Variants in SYN3 observed in about 807,000 individuals in gnomAD.
The protein encoded by SYN3 is synapsin-3.
In SYN3, 35 loss-of-function variants were observed where a neutral mutation model predicts 65.8. The ratio of observed to expected loss-of-function variants is 0.53; its 90% CI spans 0.41 to 0.70. The LOEUF is 0.70. Ranked by LOEUF, SYN3 falls within the 30% of genes least tolerant of loss-of-function variation. The pLI, the probability that SYN3 is intolerant of heterozygous loss-of-function variation, is 0.00. For synonymous variants in SYN3, 270 were observed against 292.9 expected (o/e 0.92, Z 0.80); for missense variants, 680 against 749.0 (o/e 0.91, Z 1.08).
intron 1 of SYN3, among the ~76,000 whole-genome samples, chr22:33,052,048 G>A (rs537120530): frequency 6.6e-4 from 101 of 152,148 alleles, no homozygotes; most frequent in African/African-American, 2.1e-3. Context: ...GCCTCACATC[G>A]TGCACTTTGG....
intron 6 of SYN3, among the ~76,000 whole-genome samples, chr22:32,701,646 T>C (rs1398576802): frequency 6.6e-6 from 1 of 152,122 alleles, no homozygotes; most frequent in Non-Finnish European, 1.5e-5. Flanking sequence ...AAATGAAAAA[T>C]ACATTTAAGT....
intron 1 of SYN3, among the ~76,000 whole-genome samples, chr22:33,056,948 C>T (rs2054263953): frequency 6.6e-6 from 1 of 152,160 alleles, no homozygotes; most frequent in Admixed American, 6.5e-5. Context: ...AGCAGAGGCA[C>T]CCTTCAGAGG....
At chr22:32,593,158 T>C (rs1282332146) in intron 7 of SYN3, among the ~76,000 whole-genome samples, 1 of 152,208 alleles carries the variant, frequency 6.6e-6, no homozygotes, top group African/African-American at 2.4e-5. Flanking sequence ...AGACTGTTAC[T>C]GCAAGTTTTC....
At chr22:33,016,733 C>G (rs1247885546) in intron 1 of SYN3, among the ~76,000 whole-genome samples, 1 of 151,910 alleles carries the variant, frequency 6.6e-6, no homozygotes, top group Non-Finnish European at 1.5e-5. Flanking sequence ...GTTTACTTGC[C>G]CATTTTTTGA....
rs561420410 is a variant in SYN3, at chr22:32,626,378, G to T, written c.712-29642C>A. Among the ~76,000 whole-genome samples, 4 of 152,310 alleles carry T rather than the reference G, an allele frequency of 2.6e-5. No individual in the cohort carries two copies. The East Asian group carries it at 7.7e-4, about 29-fold the overall frequency. On this transcript the variant is annotated intron_variant, in intron 6 of 13. Coordinates refer to ENST00000358763, the MANE Select transcript of SYN3 (RefSeq NM_003490.4). ...TGTTAGGGATGATGTGGGACCTAAG[G>T]TGGCAAAGATGGGCTGCGGTCATTT...
At chr22:32,636,310 G>C (rs912795496) in intron 6 of SYN3, among the ~76,000 whole-genome samples, 2 of 151,740 alleles carry the variant, frequency 1.3e-5, no homozygotes, top group Admixed American at 1.3e-4. Context: ...GCCGAGGCAG[G>C]AGAATGGCGT....
At chr22:32,600,577 AG>A in intron 6 of SYN3, among the ~76,000 whole-genome samples, 1 of 152,354 alleles carries the variant, frequency 6.6e-6, no homozygotes, top group African/African-American at 2.4e-5. Flanking sequence ...AGTTCCCCCA[AG>A]GGTGAATGGT....
intron 1 of SYN3, among the ~76,000 whole-genome samples, chr22:33,024,145 GAACTC>G (rs2053603163): frequency 6.6e-6 from 1 of 152,134 alleles, no homozygotes; most frequent in African/African-American, 2.4e-5. Context: ...TTGTTTCTCA[GAACTC>G]AACTCTGTAT....
chr22:32,671,234 TCA>T (rs1237758244), intron 6 of SYN3, among the ~76,000 whole-genome samples: 2 of 151,898 alleles, frequency 1.3e-5, no homozygotes, highest in Non-Finnish European at 2.9e-5. Context: ...CCGCCCATTT[TCA>T]CACACACACA....
rs761882833 is a variant in SYN3 at position 33,006,646 on chromosome 22, C to T, written c.17G>A (p.Arg6Gln). MNFLR[R>Q]RLSDSSFMAN... ...CATGAAGCTGCTGTCAGAGAGACGTCGCCGGAGGAAATTCATGGCTGTGGA... is the reference window on the plus strand; with the variant it reads ...CATGAAGCTGCTGTCAGAGAGACGTTGCCGGAGGAAATTCATGGCTGTGGA... Residue 6 changes from arginine (R) to glutamine (Q), a missense_variant, in exon 2 of 14, where the codon CGA (arginine) becomes CAA (glutamine). By Grantham distance (43) the Arg-to-Gln change is conservative (BLOSUM62 1). Coordinates refer to ENST00000358763, the MANE Select transcript of SYN3 (RefSeq NM_003490.4). 1.1e-5 allele frequency: 17 copies of T among 1,580,914 alleles called. No individual in the cohort carries two copies. Among genetic ancestry groups the T allele is most frequent in the Non-Finnish European group, 1.3e-5 (15 of 1,162,668 alleles).
chr22:32,649,380 A>G (rs1367987928), intron 6 of SYN3, among the ~76,000 whole-genome samples: 1 of 152,224 alleles, frequency 6.6e-6, no homozygotes, highest in Non-Finnish European at 1.5e-5. Flanking sequence ...AAATTGTGAC[A>G]ATAGATGTTA....
chr22:32,996,144 G>C (rs955832792), intron 2 of SYN3, among the ~76,000 whole-genome samples: 1 of 152,132 alleles, frequency 6.6e-6, no homozygotes, highest in East Asian at 1.9e-4. Flanking sequence ...AACAGACTTT[G>C]GCAAGAGTAT....
intron 6 of SYN3, among the ~76,000 whole-genome samples, chr22:32,624,304 G>A (rs1302172635): frequency 6.6e-6 from 1 of 152,110 alleles, no homozygotes; most frequent in African/African-American, 2.4e-5. Flanking sequence ...GAGGCTGGGT[G>A]GGGGGTCACT....
chr22:32,675,057 T>C (rs2060421032), intron 6 of SYN3, among the ~76,000 whole-genome samples: 1 of 152,188 alleles, frequency 6.6e-6, no homozygotes, highest in East Asian at 1.9e-4. Context: ...AAGGCCACTT[T>C]CCCTCTAGTC....
chr22:32,977,285 C>T (rs1451606272), intron 3 of SYN3, among the ~76,000 whole-genome samples: 1 of 152,102 alleles, frequency 6.6e-6, no homozygotes, highest in Non-Finnish European at 1.5e-5. Context: ...CCCTGATGGT[C>T]CTGCTCATAG....
chr22:32,811,001 G>A (rs147111267), intron 6 of SYN3, among the ~76,000 whole-genome samples: 27 of 152,254 alleles, frequency 1.8e-4, no homozygotes, highest in Non-Finnish European at 2.9e-4. Context: ...TATGTACCAC[G>A]TGGTAACTTC....
chr22:32,527,600 A>G lies in SYN3; in HGVS notation c.1318+318T>C, dbSNP rs562410351. ...GGCGACAGAGCAAGACTCTGTCTCA[A>G]AAGAAAAAAAAAAAAAAGGAAATAA... is the stretch of plus-strand genomic sequence containing the variant. On this transcript the variant is annotated intron_variant, in intron 12 of 13. Transcript: ENST00000358763. 421 of 223,262 alleles carry G rather than the reference A, an allele frequency of 1.9e-3. 4 individuals are homozygous for G. The highest frequency in any genetic ancestry group is 1.2e-3 in the Non-Finnish European group (144 of 117,820). The allele number at this position is 223,262 out of a possible 1,614,324, so 13.8% of individuals were successfully genotyped here. A position where few individuals can be genotyped will look rare whatever the true frequency, so the allele number is the denominator to read the frequency against.
chr22:32,801,798 C>A lies in SYN3; in HGVS notation c.711+63117G>T. ...TGCTCCTTCGCCGGGAGGCCGCCCG[C>A]CGAGTCCTGCGCCAGCGCCGAGGCA... On this transcript the variant is annotated intron_variant, in intron 6 of 13. Coordinates refer to ENST00000358763, the MANE Select transcript of SYN3 (RefSeq NM_003490.4). The surrounding 1 kb of genome is among the most constrained non-coding windows in gnomAD (Gnocchi z 4.7). 2.2e-6 allele frequency: 1 copy of A among 447,396 alleles called. No individual in the cohort carries two copies. Among genetic ancestry groups the A allele is most frequent in the Non-Finnish European group, 3.3e-6 (1 of 305,136 alleles). The allele number at this position is 447,396 out of a possible 1,614,324, so 27.7% of individuals were successfully genotyped here. A position where few individuals can be genotyped will look rare whatever the true frequency, so the allele number is the denominator to read the frequency against.
intron 7 of SYN3, among the ~76,000 whole-genome samples, chr22:32,585,167 C>T (rs990330728): frequency 2.6e-5 from 4 of 152,180 alleles, no homozygotes; most frequent in African/African-American, 7.2e-5. Context: ...TCGTGGTGTA[C>T]GGGCACTTGG....
Sources: allele counts gnomAD v4.1 joint callset (sites outside exome capture counted in the v4.1 genomes callset), GRCh38; gene constraint gnomAD v4.1.1; non-coding constraint Gnocchi (gnomAD v3.1); transcripts MANE v1.5; gene names NCBI Gene and HGNC (gene_info 2026-07-23, HGNC 2026-07-21).